The following ZSCAN20 variants were observed in gnomAD, a reference collection of about 807,000 sequenced individuals.
ZSCAN20 encodes the protein zinc finger and SCAN domain-containing protein 20.
In ZSCAN20, 39 loss-of-function variants were observed where a neutral mutation model predicts 97.1. That is an observed-to-expected ratio of 0.40 (90% CI 0.31 to 0.52). The LOEUF (loss-of-function observed/expected upper bound fraction) is 0.52, where lower values mean the gene tolerates loss of function less well. ZSCAN20 is among the 20% of genes least tolerant of loss of function. ZSCAN20 has a pLI of 0.49. For missense variants in ZSCAN20, 1,115 were observed against 1,290.4 expected, an observed-to-expected ratio of 0.86 and a Z score of 2.08; for synonymous variants, 456 against 467.3, an observed-to-expected ratio of 0.98 and a Z score of 0.31.
At chr1:33,488,752 A>G (rs3795418) in intron 3 of ZSCAN20, 101 bp downstream of exon 3, 1,042,767 of 1,341,750 alleles carry the variant, frequency 0.78, 406,173 homozygotes, top group African/African-American at 0.83. Flanking sequence ...CAGAATTCAA[A>G]GCAAGGGATA....
intron 2 of ZSCAN20, among the ~76,000 whole-genome samples, chr1:33,485,022 C>T (rs1180840091): frequency 6.6e-6 from 1 of 152,172 alleles, no homozygotes; most frequent in African/African-American, 2.4e-5. Context: ...GCTTTATAGA[C>T]TAAATAAGGA....
Position 33,498,530 on chromosome 1 carries a change from T to C in ZSCAN20, c.*3054T>C, listed in dbSNP as rs1652952681. Among the ~76,000 whole-genome samples the C allele has an allele frequency of 6.6e-6, 1 of 152,142 alleles. No individual in the cohort carries two copies. Among genetic ancestry groups the C allele is most frequent in the South Asian group, 2.1e-4 (1 of 4,834 alleles). On this transcript the variant is annotated 3_prime_UTR_variant, in exon 8 of 8. Coordinates refer to ENST00000684572, the MANE Select transcript of ZSCAN20 (RefSeq NM_001377376.1). Reference sequence around the variant, plus strand: ...GAGCTTGCTGGGCACCCAGGCGCCCTCCAGTAGGTCTGTGCTGCTCAGATA... The same window carrying C: ...GAGCTTGCTGGGCACCCAGGCGCCCCCCAGTAGGTCTGTGCTGCTCAGATA...
chr1:33,494,179 AT>A (rs1217828092), intron 7 of ZSCAN20, 38 bp from the exon 8 acceptor site: 1 of 1,523,042 alleles, frequency 6.6e-7, no homozygotes. Flanking sequence ...ACGCGCGCTA[AT>A]GAGTGAAGAA....
At chr1:33,476,016 A>C (rs1651926249) in intron 1 of ZSCAN20, among the ~76,000 whole-genome samples, 2 of 152,176 alleles carry the variant, frequency 1.3e-5, no homozygotes, top group South Asian at 4.1e-4. Flanking sequence ...GATCAGTGAA[A>C]TGCAGCTCAA....
chr1:33,490,677 ACACACAC>A (rs751310948), intron 5 of ZSCAN20, among the ~76,000 whole-genome samples: 21,411 of 147,028 alleles, frequency 0.15, 1,896 homozygotes, highest in East Asian at 0.35. Context: ...ACACACACAC[ACACACAC>A]CACACACCCT....
In ZSCAN20 at chr1:33,501,279, G is replaced by A. The variant is rs1163741794; in HGVS notation, c.*5803G>A. ...GGAGCTCACGCTAAACCCGGTTGGT[G>A]TGTCCTGGAGAAGCACAGGTGTCAT... On this transcript the variant is annotated 3_prime_UTR_variant, in exon 8 of 8. Transcript: ENST00000684572. Among the ~76,000 whole-genome samples, 12 of 152,226 alleles carry A rather than the reference G, an allele frequency of 7.9e-5. No individual in the cohort carries two copies. The highest frequency in any genetic ancestry group is 1.5e-4 in the Non-Finnish European group (10 of 68,042).
intron 2 of ZSCAN20, among the ~76,000 whole-genome samples, chr1:33,485,288 G>T (rs1652316648): frequency 6.6e-6 from 1 of 152,158 alleles, no homozygotes. Context: ...TGTGGCCATA[G>T]ATATTCCTTT....
rs1653067087 is a variant in ZSCAN20, at chr1:33,501,513, C to A, written c.*6037C>A. ...CCTGGCTTCATTTTATTTGGCTTTG[C>A]TTTCACTTCCCCATTTTCTGTTATT... On this transcript the variant is annotated 3_prime_UTR_variant, in exon 8 of 8. Coordinates refer to ENST00000684572, the MANE Select transcript of ZSCAN20 (RefSeq NM_001377376.1). 6.7e-6 allele frequency among the ~76,000 whole-genome samples: 1 copy of A among 148,364 alleles called. No homozygotes were observed. Among genetic ancestry groups the A allele is most frequent in the African/African-American group, 2.5e-5 (1 of 39,754 alleles).
rs1210447948 is a variant in ZSCAN20 at position 33,496,437 on chromosome 1, A to G, written c.*961A>G. ...AGCAAGGATGAGCTATTATCAAAAT[A>G]CTTGATGTGAGTTTCCATCTTCGCA... On this transcript the variant is annotated 3_prime_UTR_variant, in exon 8 of 8. Coordinates refer to ENST00000684572, the MANE Select transcript of ZSCAN20 (RefSeq NM_001377376.1). The G allele has an allele frequency of 1.3e-5, 2 of 152,194 alleles. No individual in the cohort carries two copies. Among genetic ancestry groups the G allele is most frequent in the Non-Finnish European group, 2.9e-5 (2 of 68,038 alleles). The allele number at this position is 152,194 out of a possible 1,614,324, so 9.4% of individuals were successfully genotyped here. A position where few individuals can be genotyped will look rare whatever the true frequency, so the allele number is the denominator to read the frequency against.
chr1:33,490,477 T>C (rs1431579248), intron 5 of ZSCAN20, among the ~76,000 whole-genome samples: 1 of 152,180 alleles, frequency 6.6e-6, no homozygotes, highest in Non-Finnish European at 1.5e-5. Flanking sequence ...GAGGACATGC[T>C]CCAGCCACAG....
At chr1:33,488,946 A>C (rs932900959) in intron 3 of ZSCAN20, among the ~76,000 whole-genome samples, 169 bp from the exon 4 acceptor site, 9 of 152,206 alleles carry the variant, frequency 5.9e-5, no homozygotes, top group African/African-American at 2.2e-4. Flanking sequence ...CACCACTCAC[A>C]GCAGCTTAGG....
rs2148473474 is a variant in ZSCAN20 at position 33,491,829 on chromosome 1, C to T, written c.1444+127C>T. ...GCCACTAGAGTGAAGAGCTACATTC[C>T]TTAGGTCATCCTCAAACTCCAACTT... On this transcript the variant is annotated intron_variant, in intron 6 of 7. Transcript: ENST00000684572. This position sits in a 1 kb window ranked among gnomAD's most constrained non-coding sequence, Gnocchi z 4.3. 1.1e-6 allele frequency: 1 copy of T among 918,076 alleles called. No individual in the cohort carries two copies. 56.9% of individuals were successfully genotyped at this position (918,076 alleles called of 1,614,324 possible).
chr1:33,489,655 G>C (rs369591687), intron 5 of ZSCAN20, 53 bp downstream of exon 5: 185 of 1,542,442 alleles, frequency 1.2e-4, no homozygotes, highest in Non-Finnish European at 1.4e-4. Flanking sequence ...GATACACCCA[G>C]TTCCCAAAGA....
At position 33,494,766 on chromosome 1, in the gene ZSCAN20, A is replaced by G. The variant is rs371517668; in HGVS notation, c.2422A>G (p.Asn808Asp). Residue 808 changes from asparagine to aspartate, a missense_variant, in exon 8 of 8, where the codon AAC (asparagine) becomes GAC (aspartate). This residue lies in a region of ZSCAN20 where 554 missense variants were observed against 584.9 expected (regional missense o/e 0.95). Transcript: ENST00000684572. ...TTGGAAAAGCTTCAACCAGAGCTCA[A>G]ACCTTCTGAAACATCAGAGAATCCA... is the stretch of plus-strand genomic sequence containing the variant. ...ECWKSFNQSS[N>D]LLKHQRIHLG... 6.2e-6 allele frequency: 10 copies of G among 1,614,200 alleles called. No individual in the cohort carries two copies. The highest frequency in any genetic ancestry group is 7.6e-6 in the Non-Finnish European group (9 of 1,180,032).
chr1:33,480,166 A>G (rs1652098681), intron 2 of ZSCAN20, among the ~76,000 whole-genome samples: 1 of 152,228 alleles, frequency 6.6e-6, no homozygotes, highest in Non-Finnish European at 1.5e-5. Context: ...GCAGTAATGT[A>G]GGTAGACAGA....
At position 33,494,198 on chromosome 1, in the gene ZSCAN20, A is replaced by G; in HGVS notation, c.1874-20A>G. Reference sequence around the variant, plus strand: ...GCGCTAATGAGTGAAGAAAAACTGCATTTCTGTCCATTTTTTCAGGTTTTG... The same window carrying G: ...GCGCTAATGAGTGAAGAAAAACTGCGTTTCTGTCCATTTTTTCAGGTTTTG... On this transcript the variant is annotated intron_variant, in intron 7 of 7. Transcript: ENST00000684572. 3 of 1,539,582 alleles carry G rather than the reference A, an allele frequency of 1.9e-6. No individual in the cohort carries two copies. In the South Asian group the frequency reaches 3.8e-5, roughly 20 times the overall value.
rs1557435505 is a variant in ZSCAN20 at position 33,479,385 on chromosome 1, G to GAATCCA, written c.100_105dup (p.Ser34_Lys35dup). On this transcript the variant is annotated inframe_insertion, in exon 2 of 8. Transcript: ENST00000684572. ...ACTGGAAGAGGACTCTTGGGGATCA[G>GAATCCA]AATCCAAACTCTGGGAGAAGGACCG... is the stretch of plus-strand genomic sequence containing the variant. 6.2e-7 allele frequency: 1 copy of GAATCCA among 1,614,264 alleles called. No individual in the cohort carries two copies. The highest frequency in any genetic ancestry group is 2.2e-5 in the East Asian group (1 of 44,888).
At position 33,500,814 on chromosome 1, in the gene ZSCAN20, C is replaced by T. The variant is rs1246681840; in HGVS notation, c.*5338C>T. Among the ~76,000 whole-genome samples, 3 of 151,796 alleles carry T rather than the reference C, an allele frequency of 2.0e-5. No individual in the cohort carries two copies. Among genetic ancestry groups the T allele is most frequent in the African/African-American group, 7.3e-5 (3 of 41,302 alleles). On this transcript the variant is annotated 3_prime_UTR_variant, in exon 8 of 8. Coordinates refer to ENST00000684572, the MANE Select transcript of ZSCAN20 (RefSeq NM_001377376.1). Reference sequence around the variant, plus strand: ...GCAGCATGACAGATGTATCTGAGCCCAAGCAGGAGAGGAGCCACAGGCCCA... The same window carrying T: ...GCAGCATGACAGATGTATCTGAGCCTAAGCAGGAGAGGAGCCACAGGCCCA...
At position 33,489,548 on chromosome 1, in the gene ZSCAN20, A is replaced by G. The variant is rs1191992078; in HGVS notation, c.712A>G (p.Lys238Glu). 1.2e-6 allele frequency: 2 copies of G among 1,614,068 alleles called. No homozygotes were observed. Among genetic ancestry groups the G allele is most frequent in the East Asian group, 4.5e-5 (2 of 44,858 alleles). Residue 238 changes from lysine (K) to glutamate (E), a missense_variant, in exon 5 of 8, where the codon AAG (lysine) becomes GAG (glutamate). Transcript: ENST00000684572. ...CCTGGGCCCTGGCAAACATGCTGAG[A>G]AGGAGCTCTGTAAAGACCCCCCAGG... ...EALGPGKHAE[K>E]ELCKDPPGDD...
Sources: gnomAD v4.1 joint callset for allele counts (sites outside exome capture counted in the v4.1 genomes callset) on GRCh38, gnomAD v4.1.1 for gene constraint, gnomAD v4.1.1 regional missense constraint, Gnocchi (gnomAD v3.1) non-coding constraint, MANE v1.5 for transcripts, NCBI Gene and HGNC (gene_info 2026-07-23, HGNC 2026-07-21) for gene names.